NRG1: variants seen among roughly 807,000 people sequenced by gnomAD.
The protein encoded by NRG1 is neuregulin 1, also known as pro-neuregulin-1, membrane-bound isoform.
Under a neutral mutation model 63.8 loss-of-function variants are expected in NRG1, and 18 were observed. The ratio of observed to expected loss-of-function variants is 0.28; its 90% confidence interval spans 0.19 to 0.42. The LOEUF is 0.42. NRG1 is among the 10% of genes least tolerant of loss of function. The probability of loss-of-function intolerance (pLI) is 1.00; values close to 1 mark genes in which losing one functional copy is unlikely to be tolerated. For synonymous variants in NRG1, 302 were observed against 301.3 expected, an observed-to-expected ratio of 1.00 and a Z score of -0.02; for missense variants, 762 against 814.7, an observed-to-expected ratio of 0.94 and a Z score of 0.79.
At chr8:31,774,538 C>T (rs191821896) in intron 1 of NRG1, among the ~76,000 whole-genome samples, 87 of 152,088 alleles carry the variant, frequency 5.7e-4, no homozygotes, top group African/African-American at 1.8e-3. Flanking sequence ...CTGGCATAGT[C>T]GGGGGTCAAG....
intron 1 of NRG1, among the ~76,000 whole-genome samples, chr8:31,712,056 C>T (rs368280534): frequency 6.6e-6 from 1 of 151,776 alleles, no homozygotes; most frequent in Non-Finnish European, 1.5e-5. Context: ...CTTCTGTATC[C>T]GTCATCTAGT....
At chr8:31,731,459 C>A (rs371397160) in intron 1 of NRG1, among the ~76,000 whole-genome samples, 19 of 147,476 alleles carry the variant, frequency 1.3e-4, no homozygotes, top group African/African-American at 4.8e-4. Context: ...TTACAAAAAC[C>A]AAAATATATG....
At chr8:32,618,104 C>T (rs985845001) in intron 5 of NRG1, among the ~76,000 whole-genome samples, 7 of 151,922 alleles carry the variant, frequency 4.6e-5, no homozygotes, top group Admixed American at 3.3e-4. Context: ...TAATTTCTGC[C>T]GGGGAATTTG....
intron 1 of NRG1, among the ~76,000 whole-genome samples, chr8:31,671,494 C>A (rs549116037): frequency 5.3e-5 from 8 of 152,188 alleles, no homozygotes; most frequent in African/African-American, 1.9e-4. Context: ...AATTTATGAA[C>A]AGGTTTGTTT....
At chr8:32,527,364 A>C (rs1830966323) in intron 1 of NRG1, among the ~76,000 whole-genome samples, 1 of 152,210 alleles carries the variant, frequency 6.6e-6, no homozygotes, top group South Asian at 2.1e-4. Context: ...TTTTGCAGCA[A>C]CATGGATGGA....
At chr8:32,539,974 T>G (rs1435400406) in intron 1 of NRG1, among the ~76,000 whole-genome samples, 1 of 152,068 alleles carries the variant, frequency 6.6e-6, no homozygotes, top group African/African-American at 2.4e-5. Context: ...TTTAATTAGA[T>G]TGGTGGAGAG....
At chr8:32,330,813 T>C (rs1802550420) in intron 1 of NRG1, among the ~76,000 whole-genome samples, 1 of 152,232 alleles carries the variant, frequency 6.6e-6, no homozygotes, top group South Asian at 2.1e-4. Flanking sequence ...CACAGCGTCG[T>C]TTTCAGTGTG....
chr8:32,662,246 G>T (rs1803043728), intron 5 of NRG1, among the ~76,000 whole-genome samples: 1 of 152,188 alleles, frequency 6.6e-6, no homozygotes, highest in Non-Finnish European at 1.5e-5. Context: ...AGGCTTGAAT[G>T]AATTAATGGA....
At chr8:32,280,754 TCA>T (rs528282720) in intron 1 of NRG1, among the ~76,000 whole-genome samples, 6 of 101,908 alleles carry the variant, frequency 5.9e-5, no homozygotes, top group Non-Finnish European at 7.3e-5. Context: ...TTTTGTCCTT[TCA>T]TTTTTTTTTT....
At chr8:31,889,271 T>C (rs1384594833) in intron 1 of NRG1, among the ~76,000 whole-genome samples, 1 of 152,182 alleles carries the variant, frequency 6.6e-6, no homozygotes, top group African/African-American at 2.4e-5. Context: ...CCTCCATATA[T>C]GATGCCCCTT....
chr8:31,991,077 G>T (rs768278964), intron 1 of NRG1, among the ~76,000 whole-genome samples: 26 of 152,040 alleles, frequency 1.7e-4, no homozygotes, highest in Non-Finnish European at 2.4e-4. Flanking sequence ...TCACTGTCAT[G>T]TTAGCTGTTG....
chr8:32,172,959 G>A (rs1444974652), intron 1 of NRG1, among the ~76,000 whole-genome samples: 1 of 152,070 alleles, frequency 6.6e-6, no homozygotes. Context: ...AGCAAGGCAG[G>A]GAACATTCAA....
intron 1 of NRG1, among the ~76,000 whole-genome samples, chr8:31,830,334 CTT>C (rs1824995055): frequency 9.1e-6 from 1 of 110,406 alleles, no homozygotes; most frequent in African/African-American, 3.4e-5. Flanking sequence ...TCCTTCCTTC[CTT>C]CCTTCCTTCC....
At chr8:32,743,410 T>G in intron 7 of NRG1, among the ~76,000 whole-genome samples, 1 of 151,848 alleles carries the variant, frequency 6.6e-6, no homozygotes, top group Admixed American at 6.6e-5. Context: ...ATGTTACCAT[T>G]TCTTTATGTT....
At chr8:32,240,905 C>T (rs1002558727) in intron 1 of NRG1, among the ~76,000 whole-genome samples, 2 of 151,968 alleles carry the variant, frequency 1.3e-5, no homozygotes, top group African/African-American at 4.8e-5. Context: ...CTATCCAAAG[C>T]TTAGTCAATG....
chr8:32,696,637 A>G (rs2128949842), intron 5 of NRG1, among the ~76,000 whole-genome samples: 1 of 150,066 alleles, frequency 6.7e-6, no homozygotes, highest in South Asian at 2.1e-4. Flanking sequence ...CAAAAAGGTT[A>G]AAATACAATA....
At chr8:32,346,120 T>A (rs966026370) in intron 1 of NRG1, among the ~76,000 whole-genome samples, 1 of 147,444 alleles carries the variant, frequency 6.8e-6, no homozygotes, top group Non-Finnish European at 1.5e-5. Flanking sequence ...TATACAAATA[T>A]ATATTTATAT....
intron 1 of NRG1, among the ~76,000 whole-genome samples, chr8:32,045,406 G>C (rs1305627481): frequency 6.6e-6 from 1 of 151,814 alleles, no homozygotes; most frequent in Non-Finnish European, 1.5e-5. Flanking sequence ...TAATTCTACT[G>C]AGTTGATCTA....
rs979655851 is a variant in NRG1 at position 31,639,682 on chromosome 8, G to T, written c.37+251G>T. 2.9e-6 allele frequency: 4 copies of T among 1,401,932 alleles called. No homozygotes were observed. The African/African-American group carries it at 6.1e-5, about 21-fold the overall frequency. The allele number at this position is 1,401,932 out of a possible 1,614,324, so 86.8% of individuals were successfully genotyped here. The stretch of plus-strand genomic sequence containing the variant: ...GCTCGGGCGCGGCGGCGGCGCGGGG[G>T]GTGGGGGGACCTGTCACTCCCTGTA... On this transcript the variant is annotated intron_variant, in intron 1 of 10. Transcript: ENST00000519301.
Sources: gnomAD v4.1 joint callset for allele counts (sites outside exome capture counted in the v4.1 genomes callset) on GRCh38, gnomAD v4.1.1 for gene constraint, MANE v1.5 for transcripts, NCBI Gene and HGNC (gene_info 2026-07-23, HGNC 2026-07-21) for gene names.